Variants in MYO18B observed in about 807,000 individuals in gnomAD.
MYO18B encodes unconventional myosin-XVIIIb.
In MYO18B, 204 loss-of-function variants were observed where a neutral mutation model predicts 273.0. The ratio of observed to expected loss-of-function variants is 0.75; its 90% CI spans 0.67 to 0.84. The LOEUF (loss-of-function observed/expected upper bound fraction) is 0.84, where lower values mean the gene tolerates loss of function less well. MYO18B is among the 40% of genes least tolerant of loss of function. MYO18B has a pLI of 0.00. For missense variants in MYO18B, 3,212 were observed against 3,287.6 expected (o/e 0.98, Z 0.56); for synonymous variants, 1,330 against 1,305.7 (o/e 1.02, Z -0.40).
intron 12 of MYO18B, among the ~76,000 whole-genome samples, chr22:25,799,131 T>TGTGTG (rs2088065811): frequency 5.5e-5 from 8 of 145,142 alleles, no homozygotes; most frequent in Non-Finnish European, 1.2e-4. Context: ...GTGTTTACGT[T>TGTGTG]TGTGTGTGTG....
At chr22:25,875,641 C>T (rs1251057126) in intron 23 of MYO18B, among the ~76,000 whole-genome samples, 3 of 152,176 alleles carry the variant, frequency 2.0e-5, no homozygotes, top group East Asian at 3.9e-4. Context: ...TGAATCAGCA[C>T]CTTTGGGGGT....
At chr22:25,836,705 A>G (rs1455802317) in intron 17 of MYO18B, among the ~76,000 whole-genome samples, 1 of 152,150 alleles carries the variant, frequency 6.6e-6, no homozygotes, top group South Asian at 2.1e-4. Flanking sequence ...TCACGCCTGT[A>G]ATCACAGCAC....
chr22:25,886,488 T>G (rs1376391390), intron 25 of MYO18B, among the ~76,000 whole-genome samples: 1 of 152,198 alleles, frequency 6.6e-6, no homozygotes, highest in African/African-American at 2.4e-5. Context: ...TCATTTTGTC[T>G]TTTCTTCACT....
chr22:25,965,095 G>GTCA (rs1394779840), intron 39 of MYO18B: 9 of 152,356 alleles, frequency 5.9e-5, no homozygotes, highest in African/African-American at 2.2e-4. Flanking sequence ...CACTGAGCCT[G>GTCA]GCTTGTCAGC....
intron 42 of MYO18B, among the ~76,000 whole-genome samples, chr22:26,022,854 C>T (rs1211774470): frequency 1.6e-4 from 25 of 152,204 alleles, no homozygotes; most frequent in Admixed American, 1.2e-3. Flanking sequence ...CCAGGGAAGG[C>T]GAGTGGATCT....
chr22:25,976,622 G>A (rs1569255948), intron 39 of MYO18B, among the ~76,000 whole-genome samples: 1 of 152,114 alleles, frequency 6.6e-6, no homozygotes, highest in Admixed American at 6.5e-5. Flanking sequence ...TTCTCTGATG[G>A]TAGCTTTTGC....
chr22:25,835,061 G>C (rs1436390000), intron 16 of MYO18B, among the ~76,000 whole-genome samples: 2 of 152,176 alleles, frequency 1.3e-5, no homozygotes, highest in Admixed American at 6.5e-5. Flanking sequence ...AGTTGCCCAA[G>C]GCCACACAGG....
At chr22:25,872,483 A>G (rs867366861) in intron 22 of MYO18B, among the ~76,000 whole-genome samples, 48 of 152,252 alleles carry the variant, frequency 3.2e-4, no homozygotes, top group African/African-American at 1.1e-3. Context: ...TGCCTGAGCC[A>G]GTACATTCCT....
intron 34 of MYO18B, among the ~76,000 whole-genome samples, chr22:25,925,902 CAAAAA>C (rs34754921): frequency 7.6e-5 from 5 of 65,770 alleles, no homozygotes; most frequent in African/African-American, 2.9e-4. Flanking sequence ...AAGACTCTGT[CAAAAA>C]AAAAAAAAAA....
downstream of MYO18B, among the ~76,000 whole-genome samples, chr22:26,031,341 G>A (rs1936662122): frequency 6.6e-6 from 1 of 152,128 alleles, no homozygotes; most frequent in South Asian, 2.1e-4. Context: ...CTGTGACAAA[G>A]TACCATAGCT....
chr22:25,773,503 G>A (rs1261688749), intron 7 of MYO18B, among the ~76,000 whole-genome samples: 1 of 151,980 alleles, frequency 6.6e-6, no homozygotes, highest in Non-Finnish European at 1.5e-5. Context: ...TCTCTGTGTC[G>A]CCCAGGCTGG....
chr22:26,053,141 T>C, the MYO18B span, among the ~76,000 whole-genome samples: 1 of 152,168 alleles, frequency 6.6e-6, no homozygotes, highest in South Asian at 2.1e-4. Flanking sequence ...ATATTGGAAA[T>C]GCCTTTTAGT....
At chr22:25,987,945 C>T (rs2093219906) in intron 39 of MYO18B, among the ~76,000 whole-genome samples, 1 of 152,058 alleles carries the variant, frequency 6.6e-6, no homozygotes, top group South Asian at 2.1e-4. Context: ...CTAATTATCC[C>T]CCACCTCCCA....
At chr22:25,797,864 C>T (rs887327752) in intron 11 of MYO18B, 89 bp from the exon 12 acceptor site, 9 of 1,589,410 alleles carry the variant, frequency 5.7e-6, no homozygotes, top group Non-Finnish European at 6.0e-6. Flanking sequence ...CCCCGCATTC[C>T]TTCGAGACGG....
intron 12 of MYO18B, among the ~76,000 whole-genome samples, chr22:25,808,738 G>T (rs1361697649): frequency 6.6e-6 from 1 of 152,196 alleles, no homozygotes; most frequent in Non-Finnish European, 1.5e-5. Flanking sequence ...TGGTCCAGGT[G>T]ACTCCTTTGA....
At chr22:25,791,729 C>A (rs562833746) in intron 11 of MYO18B, among the ~76,000 whole-genome samples, 2 of 152,096 alleles carry the variant, frequency 1.3e-5, no homozygotes, top group African/African-American at 4.8e-5. Context: ...TTTTTATGAC[C>A]CAGTTGTCAA....
chr22:25,838,758 C>T (rs866301881), intron 17 of MYO18B, among the ~76,000 whole-genome samples: 4 of 152,032 alleles, frequency 2.6e-5, no homozygotes, highest in Non-Finnish European at 2.9e-5. Context: ...CCACAAGGAC[C>T]GAATCACCTA....
chr22:25,925,318 A>G (rs1756708234), intron 34 of MYO18B, among the ~76,000 whole-genome samples: 1 of 152,020 alleles, frequency 6.6e-6, no homozygotes, highest in Admixed American at 6.6e-5. Context: ...TCTGGGGGGA[A>G]CCATAGGCTT....
intron 12 of MYO18B, among the ~76,000 whole-genome samples, chr22:25,823,246 C>T (rs2089350870): frequency 6.6e-6 from 1 of 152,182 alleles, no homozygotes; most frequent in Admixed American, 6.5e-5. Flanking sequence ...TAGAGTGCTT[C>T]CCCATGATAT....
Sources: allele counts gnomAD v4.1 joint callset (sites outside exome capture counted in the v4.1 genomes callset), GRCh38; gene constraint gnomAD v4.1.1; transcripts MANE v1.5; gene names NCBI Gene and HGNC (gene_info 2026-07-23, HGNC 2026-07-21).